Variants in EBF1 observed in about 807,000 individuals in gnomAD.
The protein encoded by EBF1 is EBF transcription factor 1, also known as transcription factor COE1.
EBF1 carries 10 observed loss-of-function variants against 68.4 expected under a neutral mutation model. The ratio of observed to expected loss-of-function variants is 0.15; its 90% CI spans 0.09 to 0.25. EBF1 has a LOEUF of 0.25. Among genes scored for constraint, EBF1 ranks in the 10% least tolerant of loss-of-function variants. The probability of loss-of-function intolerance (pLI) is 1.00; values close to 1 mark genes in which losing one functional copy is unlikely to be tolerated. For missense variants in EBF1, 509 were observed against 794.4 expected (o/e 0.64, Z 4.32); for synonymous variants, 298 against 299.8 (o/e 0.99, Z 0.06).
At chr5:158,865,657 G>C (rs1234052180) in intron 6 of EBF1, among the ~76,000 whole-genome samples, 1 of 152,180 alleles carries the variant, frequency 6.6e-6, no homozygotes, top group Non-Finnish European at 1.5e-5. Context: ...TGCTGTAGTA[G>C]AGTAGGGGAA....
intron 6 of EBF1, among the ~76,000 whole-genome samples, chr5:158,937,788 C>T (rs769667485): frequency 5.9e-5 from 9 of 152,148 alleles, no homozygotes; most frequent in East Asian, 1.9e-4. Flanking sequence ...GGTGACCTCA[C>T]GGGGCCGCAC....
intron 6 of EBF1, among the ~76,000 whole-genome samples, chr5:158,879,877 C>T (rs1487809893): frequency 1.3e-5 from 2 of 152,146 alleles, no homozygotes; most frequent in East Asian, 1.9e-4. Flanking sequence ...TTGGGCCACA[C>T]GCCTTTCTGT....
intron 6 of EBF1, among the ~76,000 whole-genome samples, chr5:158,957,038 G>A (rs1344905759): frequency 2.0e-5 from 3 of 152,226 alleles, no homozygotes; most frequent in South Asian, 2.1e-4. Flanking sequence ...GATTACAGGC[G>A]TGAGCCACAC....
At chr5:158,880,117 C>T (rs561116758) in intron 6 of EBF1, among the ~76,000 whole-genome samples, 1 of 152,296 alleles carries the variant, frequency 6.6e-6, no homozygotes, top group Non-Finnish European at 1.5e-5. Context: ...CGCCCCACGG[C>T]CTCTTTTGGG....
In EBF1 at chr5:158,796,421, G is replaced by T. The variant is rs766532365; in HGVS notation, c.833C>A (p.Ala278Glu). ...SPSEGWTTGG[A>E]TVIIIGDNFF... ...ATTGTCCCCTATGATGATCACAGTCGCACCTCCCGTCGTCCATCCTTCACT... is the reference window on the plus strand; with the variant it reads ...ATTGTCCCCTATGATGATCACAGTCTCACCTCCCGTCGTCCATCCTTCACT... Residue 278 changes from alanine (A) to glutamate (E), a missense_variant, in exon 9 of 16, where the codon GCG becomes GAG. This residue lies in a region of EBF1 where 230 missense variants were observed against 467.7 expected (regional missense o/e 0.49). Coordinates refer to ENST00000313708, the MANE Select transcript of EBF1 (RefSeq NM_024007.5). 1 of 1,613,378 alleles carries T rather than the reference G, an allele frequency of 6.2e-7. No homozygotes were observed. The highest frequency in any genetic ancestry group is 8.5e-7 in the Non-Finnish European group (1 of 1,179,638).
chr5:158,889,186 T>G lies in EBF1; in HGVS notation c.555-49076A>C, dbSNP rs578073305. Among the ~76,000 whole-genome samples, 26 of 152,308 alleles carry G rather than the reference T, an allele frequency of 1.7e-4. No homozygotes were observed. In the South Asian group the frequency reaches 5.4e-3, roughly 32 times the overall value. On this transcript the variant is annotated intron_variant, in intron 6 of 15. Coordinates refer to ENST00000313708, the MANE Select transcript of EBF1 (RefSeq NM_024007.5). The stretch of plus-strand genomic sequence containing the variant: ...GCTAATTTAAACACCTAATACTGTA[T>G]GCCTGGCCTATGGTAAGCATTCAAC...
chr5:158,940,974 G>A (rs1813224992), intron 6 of EBF1, among the ~76,000 whole-genome samples: 1 of 152,102 alleles, frequency 6.6e-6, no homozygotes, highest in African/African-American at 2.4e-5. Context: ...TTTGTGAGAA[G>A]TTATGTCTGT....
rs541824010 is a variant in EBF1, at chr5:158,704,653, A to G, written c.1744+3326T>C. ...TCTTTTTTTTTTTTATGGTAGAAAT[A>G]GTTTGGAAAGTTAAAGATGAAGTAA... On this transcript the variant is annotated intron_variant, in intron 15 of 15. Transcript: ENST00000313708. Among the ~76,000 whole-genome samples, 6 of 151,100 alleles carry G rather than the reference A, an allele frequency of 4.0e-5. No individual in the cohort carries two copies. In the South Asian group the frequency reaches 8.4e-4, roughly 21 times the overall value.
intron 6 of EBF1, among the ~76,000 whole-genome samples, chr5:158,863,990 G>T (rs1582688323): frequency 6.6e-6 from 1 of 151,524 alleles, no homozygotes; most frequent in Non-Finnish European, 1.5e-5. Flanking sequence ...CCAGCATTTT[G>T]GGAGACTGAG....
In EBF1 at chr5:159,097,106, G is replaced by C; in HGVS notation, c.159C>G (p.His53Gln). 1 of 1,613,926 alleles carries C rather than the reference G, an allele frequency of 6.2e-7. No homozygotes were observed. Among genetic ancestry groups the C allele is most frequent in the Non-Finnish European group, 8.5e-7 (1 of 1,179,958 alleles). The stretch of plus-strand genomic sequence containing the variant: ...GATTGGAAGGCGGCTGCTTCTCAAA[G>C]TGAGCCCGGGCCAGACCCACCCCGC... ...AQSGVGLARA[H>Q]FEKQPPSNLR... The change falls in exon 2 of 16, where the codon CAC becomes CAG. Residue 53 changes from histidine to glutamine, a missense_variant. This residue lies in a region of EBF1 where 74 missense variants were observed against 79.4 expected (regional missense o/e 0.93). Transcript: ENST00000313708.
intron 8 of EBF1, 91 bp from the exon 9 acceptor site, chr5:158,796,566 C>T (rs1046733886): frequency 4.0e-5 from 56 of 1,396,556 alleles, no homozygotes; most frequent in Non-Finnish European, 5.2e-5. Context: ...AAAAAAAAAT[C>T]TTTTATCTTT....
At chr5:158,927,440 A>G (rs964511826) in intron 6 of EBF1, among the ~76,000 whole-genome samples, 9 of 152,172 alleles carry the variant, frequency 5.9e-5, no homozygotes, top group African/African-American at 1.9e-4. Flanking sequence ...TGCTTTCCTC[A>G]TATCTATGAG....
chr5:158,983,250 G>A (rs1758268693), intron 6 of EBF1: 1 of 152,150 alleles, frequency 6.6e-6, no homozygotes, highest in Non-Finnish European at 1.5e-5. Context: ...AAAGAAGAAA[G>A]GAACAATAAG....
At chr5:158,886,809 C>T (rs146417692) in intron 6 of EBF1, among the ~76,000 whole-genome samples, 3,352 of 152,246 alleles carry the variant, frequency 0.022, 39 homozygotes, top group East Asian at 0.043. Flanking sequence ...GTCAGGAGTT[C>T]GAGACCAGCT....
At chr5:158,877,322 G>A (rs930969857) in intron 6 of EBF1, among the ~76,000 whole-genome samples, 1 of 151,978 alleles carries the variant, frequency 6.6e-6, no homozygotes, top group Non-Finnish European at 1.5e-5. Flanking sequence ...TCCTTATTTC[G>A]ACAGCCATGT....
At chr5:158,952,147 G>A (rs1263371975) in intron 6 of EBF1, among the ~76,000 whole-genome samples, 1 of 152,118 alleles carries the variant, frequency 6.6e-6, no homozygotes, top group East Asian at 1.9e-4. Flanking sequence ...AGAAGGTGTT[G>A]CCGATTAAAC....
At chr5:158,745,052 A>C (rs1767240420) in intron 10 of EBF1, among the ~76,000 whole-genome samples, 1 of 152,206 alleles carries the variant, frequency 6.6e-6, no homozygotes. Context: ...TATTGACAAA[A>C]TATAGTGTAT....
chr5:158,910,832 T>C (rs1805805838), intron 6 of EBF1, among the ~76,000 whole-genome samples: 1 of 152,204 alleles, frequency 6.6e-6, no homozygotes, highest in Non-Finnish European at 1.5e-5. Flanking sequence ...CCTGTTGCAG[T>C]GATTCAATAG....
intron 6 of EBF1, among the ~76,000 whole-genome samples, chr5:159,020,330 C>G (rs182235629): frequency 5.9e-5 from 9 of 152,278 alleles, no homozygotes; most frequent in Non-Finnish European, 1.0e-4. Context: ...GCAAGAGGCT[C>G]TAAGTCCCCT....
Sources: allele counts gnomAD v4.1 joint callset (sites outside exome capture counted in the v4.1 genomes callset), GRCh38; gene constraint gnomAD v4.1.1; regional missense constraint gnomAD v4.1.1; transcripts MANE v1.5; gene names NCBI Gene and HGNC (gene_info 2026-07-23, HGNC 2026-07-21).